SCNN1B: variants seen among roughly 807,000 people sequenced by gnomAD.
SCNN1B encodes the protein epithelial sodium channel subunit beta.
In SCNN1B, 46 loss-of-function variants were observed where a neutral mutation model predicts 65.3. That is an observed-to-expected ratio of 0.70 (90% CI 0.56 to 0.90). The LOEUF (loss-of-function observed/expected upper bound fraction) is 0.90. Among genes scored for constraint, SCNN1B ranks in the 40% least tolerant of loss-of-function variants. The pLI, the probability that SCNN1B is intolerant of heterozygous loss-of-function variation, is 0.00. For synonymous variants in SCNN1B, 349 were observed against 330.6 expected (o/e 1.06, Z -0.60); for missense variants, 751 against 830.5 (o/e 0.90, Z 1.18).
At chr16:23,357,755 T>C (rs1250822333) in intron 4 of SCNN1B, among the ~76,000 whole-genome samples, 1 of 152,198 alleles carries the variant, frequency 6.6e-6, no homozygotes, top group Non-Finnish European at 1.5e-5. Context: ...GCTGATGGGA[T>C]ACCCTCTTCC....
At chr16:23,298,039 T>C (rs1961021948), upstream of SCNN1B, among the ~76,000 whole-genome samples, 1 of 152,216 alleles carries the variant, frequency 6.6e-6, no homozygotes, top group African/African-American at 2.4e-5. Flanking sequence ...CTAGATTGGC[T>C]GATCTCATCT....
chr16:23,319,905 T>C (rs1353613791), intron 1 of SCNN1B, among the ~76,000 whole-genome samples: 2 of 152,154 alleles, frequency 1.3e-5, no homozygotes, highest in Admixed American at 6.5e-5. Flanking sequence ...GTAGCTGAGA[T>C]AACAGGTGCA....
rs1962924048 is a variant in SCNN1B at position 23,377,402 on chromosome 16, G to A, written c.1404+16G>A. ...GGCCTCCGAGGTGAGACAGTTGGGGGCCAAGCTCCTGGCTCCCACCTTTGG... is the reference window on the plus strand; with the variant it reads ...GGCCTCCGAGGTGAGACAGTTGGGGACCAAGCTCCTGGCTCCCACCTTTGG... On this transcript the variant is annotated intron_variant, in intron 10 of 12. Transcript: ENST00000343070. The A allele has an allele frequency of 2.5e-6, 4 of 1,613,922 alleles. No individual in the cohort carries two copies. The highest frequency in any genetic ancestry group is 1.7e-5 in the Admixed American group (1 of 60,020).
chr16:23,330,078 C>T (rs1425155540), intron 1 of SCNN1B, among the ~76,000 whole-genome samples: 2 of 152,076 alleles, frequency 1.3e-5, no homozygotes, highest in Non-Finnish European at 2.9e-5. Context: ...AAAATATGGC[C>T]CAGCTCAGCA....
chr16:23,344,865 G>A (rs1032848201), intron 1 of SCNN1B, among the ~76,000 whole-genome samples: 1 of 152,176 alleles, frequency 6.6e-6, no homozygotes, highest in African/African-American at 2.4e-5. Flanking sequence ...ATGGTGGCAT[G>A]CGCCTGTAGT....
chr16:23,318,637 A>C (rs561035364), intron 1 of SCNN1B, among the ~76,000 whole-genome samples: 1 of 152,198 alleles, frequency 6.6e-6, no homozygotes, highest in African/African-American at 2.4e-5. Context: ...AATAAAGACT[A>C]TAATAATATG....
At chr16:23,305,582 T>C (rs866042537) in intron 1 of SCNN1B, among the ~76,000 whole-genome samples, 1 of 33,634 alleles carries the variant, frequency 3.0e-5, no homozygotes, top group Admixed American at 3.1e-4. Flanking sequence ...ATATATTATA[T>C]ATATATATAT....
chr16:23,336,071 G>A (rs754398965), intron 1 of SCNN1B, among the ~76,000 whole-genome samples: 1 of 152,180 alleles, frequency 6.6e-6, no homozygotes, highest in Non-Finnish European at 1.5e-5. Flanking sequence ...GGTGCAAGAT[G>A]TCAGGTGCCC....
chr16:23,352,307 T>C (rs1962325895), intron 2 of SCNN1B, among the ~76,000 whole-genome samples: 1 of 151,978 alleles, frequency 6.6e-6, no homozygotes, highest in African/African-American at 2.4e-5. Context: ...TTAGGTGGGG[T>C]GTTCTTCTTA....
intron 1 of SCNN1B, among the ~76,000 whole-genome samples, chr16:23,335,605 C>T (rs978871635): frequency 6.6e-6 from 1 of 151,960 alleles, no homozygotes; most frequent in South Asian, 2.1e-4. Flanking sequence ...TGCCACCATG[C>T]CCAGCTAATA....
chr16:23,348,851 C>G lies in SCNN1B; in HGVS notation c.252C>G (p.Ser84=), dbSNP rs778547109. The change falls in exon 2 of 13, where the codon TCC becomes TCG. Residue 84 remains serine, a synonymous_variant. Coordinates refer to ENST00000343070, the MANE Select transcript of SCNN1B (RefSeq NM_000336.3). This position sits in a 1 kb window ranked among gnomAD's most constrained non-coding sequence, Gnocchi z 4.5. ...YLSWEVSVSL[S]VGFKTMDFPA... The stretch of plus-strand genomic sequence containing the variant: ...GCTGGGAGGTCAGCGTCTCCCTCTC[C>G]GTAGGCTTCAAGACCATGGACTTCC... 9 of 1,614,000 alleles carry G rather than the reference C, an allele frequency of 5.6e-6. No homozygotes were observed. Among genetic ancestry groups the G allele is most frequent in the Non-Finnish European group, 1.7e-6 (2 of 1,180,020 alleles).
chr16:23,284,795 TCAGTGTTGC>T (rs1023428544), intron 2 of SCNN1B, among the ~76,000 whole-genome samples: 1 of 152,192 alleles, frequency 6.6e-6, no homozygotes, highest in Non-Finnish European at 1.5e-5. Flanking sequence ...GAATGCAAGT[TCAGTGTTGC>T]CAGATCTGCT....
chr16:23,319,417 T>C (rs537369429), intron 1 of SCNN1B, among the ~76,000 whole-genome samples: 2 of 152,172 alleles, frequency 1.3e-5, no homozygotes, highest in South Asian at 2.1e-4. Context: ...CAAAGGCCGG[T>C]GTTTGATCCA....
intron 1 of SCNN1B, among the ~76,000 whole-genome samples, chr16:23,302,700 G>C (rs901756278): frequency 1.3e-5 from 2 of 152,172 alleles, no homozygotes; most frequent in African/African-American, 2.4e-5. Context: ...CGGCGTGTCT[G>C]GGACCTCAGA....
chr16:23,319,045 GTT>G (rs35383135), intron 1 of SCNN1B, among the ~76,000 whole-genome samples: 11,060 of 142,672 alleles, frequency 0.078, 561 homozygotes, highest in African/African-American at 0.15. Context: ...TGTTTGTTTT[GTT>G]TTTTTTTTTT....
At chr16:23,354,130 A>G (rs1230592429) in intron 3 of SCNN1B, among the ~76,000 whole-genome samples, 4 of 152,178 alleles carry the variant, frequency 2.6e-5, no homozygotes, top group Non-Finnish European at 5.9e-5. Flanking sequence ...AAACTAGCCG[A>G]CGTCATATGG....
chr16:23,352,674 AC>A, intron 2 of SCNN1B, 126 bp from the exon 3 acceptor site: 1 of 1,016,472 alleles, frequency 9.8e-7, no homozygotes, highest in Non-Finnish European at 1.5e-6. Flanking sequence ...TTTATAAATT[AC>A]CCAGTCTCAG....
chr16:23,355,384 C>G lies in SCNN1B; in HGVS notation c.671C>G (p.Thr224Ser), dbSNP rs1258789416. Residue 224 changes from threonine to serine, a missense_variant, in exon 4 of 13, where the codon ACC (threonine) becomes AGC (serine). Transcript: ENST00000343070. ...ALTEWYILQA[T>S]NIFAQVPQQE... ...ACAGAGTGGTACATCCTGCAGGCCA[C>G]CAACATCTTTGCACAGGTGCCACAG... 4 of 1,614,062 alleles carry G rather than the reference C, an allele frequency of 2.5e-6. No homozygotes were observed. The highest frequency in any genetic ancestry group is 3.4e-6 in the Non-Finnish European group (4 of 1,180,042).
intron 2 of SCNN1B, among the ~76,000 whole-genome samples, chr16:23,295,590 A>C (rs953574443): frequency 6.6e-6 from 1 of 152,110 alleles, no homozygotes; most frequent in African/African-American, 2.4e-5. Context: ...GGCCTCACGC[A>C]ATCCTCCCAC....
Sources: allele counts gnomAD v4.1 joint callset (sites outside exome capture counted in the v4.1 genomes callset), GRCh38; gene constraint gnomAD v4.1.1; non-coding constraint Gnocchi (gnomAD v3.1); transcripts MANE v1.5; gene names NCBI Gene and HGNC (gene_info 2026-07-23, HGNC 2026-07-21).